Variants in AK9 observed in about 807,000 individuals in gnomAD.
The protein encoded by AK9 is adenylate kinase domain containing 1.
A neutral mutation model predicts 239.6 loss-of-function variants in AK9; 191 were observed. That is an observed-to-expected ratio of 0.80 (90% CI 0.71 to 0.90). AK9 has a LOEUF of 0.90. Among genes scored for constraint, AK9 ranks in the 40% least tolerant of loss-of-function variants. The probability of loss-of-function intolerance (pLI) is 0.00; values close to 1 mark genes in which losing one functional copy is unlikely to be tolerated. For missense variants in AK9, 1,995 were observed against 2,214.7 expected (o/e 0.90, Z 1.99); for synonymous variants, 689 against 721.0 (o/e 0.96, Z 0.71).
chr6:109,619,748 C>A (rs1449094071), intron 12 of AK9, among the ~76,000 whole-genome samples: 3 of 152,028 alleles, frequency 2.0e-5, no homozygotes, highest in African/African-American at 7.2e-5. Context: ...TCAAGAGCAG[C>A]CTGAACTTTT....
chr6:109,545,960 TTCC>T lies in AK9; in HGVS notation c.3129_3131del (p.Glu1044del). ...TGGCAGCTTGCTCGTTCTCAGAATC[TTCC>T]TCAAATTCAGGTCCCACTTTCTTTT... On this transcript the variant is annotated inframe_deletion, in exon 26 of 41. Transcript: ENST00000424296. The T allele has an allele frequency of 1.2e-6, 2 of 1,614,230 alleles. No homozygotes were observed. Among genetic ancestry groups the T allele is most frequent in the Non-Finnish European group, 1.7e-6 (2 of 1,180,028 alleles).
At chr6:109,626,126 A>C (rs1795500322) in intron 12 of AK9, among the ~76,000 whole-genome samples, 1 of 152,128 alleles carries the variant, frequency 6.6e-6, no homozygotes, top group Admixed American at 6.5e-5. Context: ...TAATTCAGTA[A>C]AACGTTCAGT....
chr6:109,653,509 C>T (rs980805625), intron 8 of AK9, among the ~76,000 whole-genome samples: 6 of 152,194 alleles, frequency 3.9e-5, no homozygotes, highest in African/African-American at 1.2e-4. Flanking sequence ...CTTTCTCTGA[C>T]ATTCACGGAA....
intron 13 of AK9, among the ~76,000 whole-genome samples, chr6:109,618,433 A>G (rs984094444): frequency 4.7e-5 from 7 of 150,062 alleles, no homozygotes; most frequent in Non-Finnish European, 7.4e-5. Flanking sequence ...AAAACAGAAA[A>G]AAAAAAACAA....
intron 5 of AK9, among the ~76,000 whole-genome samples, chr6:109,666,510 C>T (rs1459236815): frequency 6.6e-6 from 1 of 152,188 alleles, no homozygotes; most frequent in Non-Finnish European, 1.5e-5. Context: ...CATGTTCTAT[C>T]ATAGGCAGAC....
chr6:109,636,214 A>G (rs1796691869), intron 10 of AK9, among the ~76,000 whole-genome samples: 1 of 152,008 alleles, frequency 6.6e-6, no homozygotes, highest in South Asian at 2.1e-4. Context: ...CTACCTGCAC[A>G]GCCCCTCCTC....
At chr6:109,624,635 T>G (rs984724412) in intron 12 of AK9, among the ~76,000 whole-genome samples, 1 of 152,182 alleles carries the variant, frequency 6.6e-6, no homozygotes, top group Non-Finnish European at 1.5e-5. Context: ...TTACAGAAGC[T>G]TCTGGATCTT....
intron 8 of AK9, among the ~76,000 whole-genome samples, chr6:109,649,954 T>A (rs1798675286): frequency 6.6e-6 from 1 of 152,168 alleles, no homozygotes; most frequent in African/African-American, 2.4e-5. Context: ...ATCTGATCTT[T>A]GACAAATCTG....
intron 35 of AK9, among the ~76,000 whole-genome samples, chr6:109,502,943 C>T (rs1267976303): frequency 4.1e-5 from 6 of 148,144 alleles, no homozygotes; most frequent in Admixed American, 6.8e-5. Flanking sequence ...AGATTTCTGA[C>T]CCACAGGAAC....
At chr6:109,591,599 C>T (rs1273349506) in intron 17 of AK9, among the ~76,000 whole-genome samples, 1 of 152,128 alleles carries the variant, frequency 6.6e-6, no homozygotes, top group Admixed American at 6.6e-5. Context: ...GATTGTGTAA[C>T]TGCATTATAA....
Position 109,573,584 on chromosome 6 carries a change from C to T in AK9, c.2202G>A (p.Glu734=). ...LMKVKAKEAE[E]TDNEDEEEIE... is the part of the protein sequence containing the mutation. Reference sequence around the variant, plus strand: ...TCTCCTCTTCATCCTCATTATCAGTCTCTTCAGCTTCTAAAAAAATTTGAA... The same window carrying T: ...TCTCCTCTTCATCCTCATTATCAGTTTCTTCAGCTTCTAAAAAAATTTGAA... The change falls in exon 21 of 41, where the codon GAG becomes GAA. Residue 734 remains glutamate (E), a synonymous_variant. Transcript: ENST00000424296. 1.3e-6 allele frequency: 2 copies of T among 1,543,084 alleles called. No individual in the cohort carries two copies. The highest frequency in any genetic ancestry group is 1.7e-6 in the Non-Finnish European group (2 of 1,144,424).
At chr6:109,654,079 C>CA (rs1799353909) in intron 8 of AK9, among the ~76,000 whole-genome samples, 1 of 152,030 alleles carries the variant, frequency 6.6e-6, no homozygotes, top group Admixed American at 6.6e-5. Flanking sequence ...GGATGGCTCC[C>CA]TTGTTTACCT....
At chr6:109,683,143 A>G (rs1203745731) in intron 1 of AK9, among the ~76,000 whole-genome samples, 2 of 152,154 alleles carry the variant, frequency 1.3e-5, no homozygotes, top group Non-Finnish European at 2.9e-5. Context: ...ACCAATGACA[A>G]AACCACATGA....
At position 109,496,892 on chromosome 6, in the gene AK9, T is replaced by C. The variant is rs115962933; in HGVS notation, c.5315+573A>G. On this transcript the variant is annotated intron_variant, in intron 38 of 40. Transcript: ENST00000424296. Reference sequence around the variant, plus strand: ...CTTACAATCAGTCAATGTGCTCAGATTGCCCTCAGGATCACTATGAGGACA... The same window carrying C: ...CTTACAATCAGTCAATGTGCTCAGACTGCCCTCAGGATCACTATGAGGACA... 1.7e-3 allele frequency among the ~76,000 whole-genome samples: 260 copies of C among 152,242 alleles called. 1 individual carries two copies. The highest frequency in any genetic ancestry group is 5.9e-3 in the African/African-American group (246 of 41,552).
chr6:109,635,378 C>A (rs775855151), intron 10 of AK9, among the ~76,000 whole-genome samples: 49 of 152,252 alleles, frequency 3.2e-4, no homozygotes, highest in Non-Finnish European at 1.6e-4. Flanking sequence ...CTTGTGATAC[C>A]AGGTACCTCT....
In AK9 at chr6:109,619,183, T is replaced by C; in HGVS notation, c.1308A>G (p.Thr436=). The C allele has an allele frequency of 6.4e-7, 1 of 1,550,724 alleles. No homozygotes were observed. The highest frequency in any genetic ancestry group is 1.4e-5 in the African/African-American group (1 of 73,114). ...VQPRFDKARE[T]LVENTIAEAT... is the part of the protein sequence containing the mutation. ...CCTCAGCTATGGTATTTTCTACTAATGTTTCACGGGCTTTATCAAAACGTG... is the reference window on the plus strand; with the variant it reads ...CCTCAGCTATGGTATTTTCTACTAACGTTTCACGGGCTTTATCAAAACGTG... The change falls in exon 13 of 41, where the codon ACA becomes ACG. Residue 436 remains threonine, a synonymous_variant. Transcript: ENST00000424296.
intron 25 of AK9, 109 bp downstream of exon 25, chr6:109,549,981 T>C: frequency 3.3e-6 from 4 of 1,194,954 alleles, no homozygotes; most frequent in Non-Finnish European, 4.7e-6. Flanking sequence ...TTTCTTTATA[T>C]TGTAATATCA....
Position 109,511,058 on chromosome 6 carries a change from TTG to T in AK9, c.4280-1680_4280-1679del, listed in dbSNP as rs945158973. On this transcript the variant is annotated intron_variant, in intron 32 of 40. Coordinates refer to ENST00000424296, the MANE Select transcript of AK9 (RefSeq NM_001145128.3). ...GATCTGGTTAATGAACCAAATCTGC[TTG>T]TTTTTTTTTTTTTTTTTTCCTTAAC... Among the ~76,000 whole-genome samples the T allele has an allele frequency of 2.1e-3, 274 of 133,596 alleles. 1 individual carries two copies. Among genetic ancestry groups the T allele is most frequent in the East Asian group, 6.0e-3 (24 of 4,004 alleles). 87.6% of individuals were successfully genotyped at this position (133,596 alleles called of 152,430 possible).
At chr6:109,619,359 C>T (rs1234079588) in intron 12 of AK9, 123 bp from the exon 13 acceptor site, 1 of 1,073,624 alleles carries the variant, frequency 9.3e-7, no homozygotes, top group Non-Finnish European at 1.2e-6. Context: ...ATTAATACTG[C>T]TTGAGGTATA....
Sources: gnomAD v4.1 joint callset for allele counts (sites outside exome capture counted in the v4.1 genomes callset) on GRCh38, gnomAD v4.1.1 for gene constraint, MANE v1.5 for transcripts, NCBI Gene and HGNC (gene_info 2026-07-23, HGNC 2026-07-21) for gene names.